RAB37: variants seen among roughly 807,000 people sequenced by gnomAD.
The protein encoded by RAB37 is RAB37, member RAS oncogene family, also known as ras-related protein Rab-37.
Under a neutral mutation model 33.1 loss-of-function variants are expected in RAB37, and 29 were observed. That is an observed-to-expected ratio of 0.88 (90% confidence interval 0.65 to 1.20). The LOEUF is 1.20. RAB37 is among the 50% of genes most tolerant of loss of function. The pLI, the probability that RAB37 is intolerant of heterozygous loss-of-function variation, is 0.00. For synonymous variants in RAB37, 128 were observed against 119.5 expected (o/e 1.07, Z -0.47); for missense variants, 299 against 301.1 (o/e 0.99, Z 0.05).
intron 2 of RAB37, among the ~76,000 whole-genome samples, chr17:74,732,072 C>T (rs1262685219): frequency 2.0e-5 from 3 of 151,858 alleles, no homozygotes; most frequent in Admixed American, 1.3e-4. Context: ...TGAACATTCA[C>T]GGTTCACTAT....
intron 1 of RAB37, among the ~76,000 whole-genome samples, chr17:74,685,043 A>G (rs2032027431): frequency 1.3e-5 from 2 of 152,200 alleles, no homozygotes; most frequent in Non-Finnish European, 2.9e-5. Flanking sequence ...AACTAGAAGA[A>G]CAAAAAGAAA....
chr17:74,698,697 G>T, intron 1 of RAB37: 1 of 1,209,002 alleles, frequency 8.3e-7, no homozygotes, highest in Non-Finnish European at 1.1e-6. Flanking sequence ...AGACACCAGG[G>T]CCTACTTGAG....
At chr17:74,714,911 C>T (rs1465047576) in intron 1 of RAB37, among the ~76,000 whole-genome samples, 1 of 152,280 alleles carries the variant, frequency 6.6e-6, no homozygotes, top group East Asian at 1.9e-4. Context: ...CACCTGAGGT[C>T]AGGAGTTCGA....
At chr17:74,704,128 T>G (rs1314198149) in intron 1 of RAB37, among the ~76,000 whole-genome samples, 3 of 151,892 alleles carry the variant, frequency 2.0e-5, no homozygotes, top group African/African-American at 4.8e-5. Context: ...GCACCAGAGG[T>G]CTCCAAAAAG....
At chr17:74,727,222 T>G (rs1227155331) in intron 1 of RAB37, among the ~76,000 whole-genome samples, 1 of 152,238 alleles carries the variant, frequency 6.6e-6, no homozygotes, top group Non-Finnish European at 1.5e-5. Context: ...GACTGGATTT[T>G]TGGGGCTCTC....
intron 1 of RAB37, among the ~76,000 whole-genome samples, chr17:74,718,884 A>G (rs1457999405): frequency 1.3e-5 from 2 of 152,232 alleles, no homozygotes; most frequent in African/African-American, 4.8e-5. Flanking sequence ...TCACTCATGT[A>G]TGAGTTTGCT....
intron 1 of RAB37, among the ~76,000 whole-genome samples, chr17:74,702,239 G>A (rs913124150): frequency 2.0e-5 from 3 of 151,992 alleles, no homozygotes; most frequent in African/African-American, 4.8e-5. Context: ...TAAAGGGGAC[G>A]TTCCTCTTCT....
At chr17:74,695,264 C>G in intron 1 of RAB37, 6 of 1,613,484 alleles carry the variant, frequency 3.7e-6, no homozygotes, top group Non-Finnish European at 5.1e-6. Context: ...GCAGCAAAGG[C>G]GGGCTCCAGG....
At chr17:74,720,158 C>T (rs1042438654) in intron 1 of RAB37, among the ~76,000 whole-genome samples, 12 of 152,156 alleles carry the variant, frequency 7.9e-5, no homozygotes, top group Non-Finnish European at 1.6e-4. Flanking sequence ...CCAGCAGGGA[C>T]GAACTTTACT....
intron 1 of RAB37, among the ~76,000 whole-genome samples, chr17:74,728,102 ATG>A (rs1356258322): frequency 2.7e-5 from 4 of 149,296 alleles, no homozygotes; most frequent in African/African-American, 7.4e-5. Context: ...GTGTGTGTGC[ATG>A]TGTGTCTGTG....
intron 1 of RAB37, chr17:74,704,816 C>T (rs958751860): frequency 6.2e-7 from 1 of 1,607,912 alleles, no homozygotes; most frequent in East Asian, 2.2e-5. Context: ...AATGGAGTAG[C>T]CTGGAAAACA....
At chr17:74,740,626 G>A in intron 1 of RAB37, 142 bp from the exon 2 acceptor site, 1 of 690,046 alleles carries the variant, frequency 1.4e-6, no homozygotes, top group South Asian at 1.6e-5. Context: ...ATGGCGGCTG[G>A]CTTTCTGGAA....
intron 1 of RAB37, among the ~76,000 whole-genome samples, chr17:74,714,423 A>ACG (rs1209145796): frequency 2.0e-5 from 3 of 151,458 alleles, no homozygotes; most frequent in African/African-American, 7.3e-5. Context: ...ACACACACAC[A>ACG]CACACACACA....
At chr17:74,732,260 C>G (rs1567811169), upstream of RAB37, among the ~76,000 whole-genome samples, 1 of 152,154 alleles carries the variant, frequency 6.6e-6, no homozygotes, top group African/African-American at 2.4e-5. Context: ...ACGTGGGGGG[C>G]CCAGAATCTG....
At position 74,738,216 on chromosome 17, in the gene RAB37, C is replaced by T. The variant is rs538982324; in HGVS notation, c.93+851C>T. On this transcript the variant is annotated intron_variant, in intron 1 of 8. Transcript: ENST00000392613. This position sits in a 1 kb window ranked among gnomAD's most constrained non-coding sequence, Gnocchi z 5.0. ...ATGGAGTGAGGGCTGTCCTGGATTC[C>T]GCTGCATGGCCTTGAAGGAGACCTG... Among the ~76,000 whole-genome samples, 7 of 152,270 alleles carry T rather than the reference C, an allele frequency of 4.6e-5. No individual in the cohort carries two copies. The highest frequency in any genetic ancestry group is 9.6e-5 in the African/African-American group (4 of 41,560).
intron 1 of RAB37, among the ~76,000 whole-genome samples, chr17:74,727,097 C>T (rs534735576): frequency 3.0e-4 from 46 of 152,352 alleles, no homozygotes; most frequent in Middle Eastern, 3.4e-3. Flanking sequence ...CAGAGGAAGG[C>T]GGCCTTCCCC....
chr17:74,739,902 A>G lies in RAB37; in HGVS notation c.94-866A>G, dbSNP rs367662037. Among the ~76,000 whole-genome samples, 19 of 152,186 alleles carry G rather than the reference A, an allele frequency of 1.2e-4. No individual in the cohort carries two copies. The South Asian group carries it at 1.7e-3, about 13-fold the overall frequency. ...TCAGGCGCGGTGGCTCACGCCCGTA[A>G]TCCCAGCACTTTGGGAGGCTGAGGC... On this transcript the variant is annotated intron_variant, in intron 1 of 8. Transcript: ENST00000392613.
intron 1 of RAB37, among the ~76,000 whole-genome samples, chr17:74,678,557 T>G (rs1425128620): frequency 6.6e-6 from 1 of 152,222 alleles, no homozygotes; most frequent in Non-Finnish European, 1.5e-5. Context: ...GAGGATGCTA[T>G]TTAATCATTT....
chr17:74,712,941 TGCTGGTACTCACTCTC>T, intron 1 of RAB37: 1 of 1,449,140 alleles, frequency 6.9e-7, no homozygotes, highest in Non-Finnish European at 9.6e-7. Context: ...CCCAGCCTTC[TGCTGGTACTCACTCTC>T]GCCCTTGAAC....
Sources: gnomAD v4.1 joint callset for allele counts (sites outside exome capture counted in the v4.1 genomes callset) on GRCh38, gnomAD v4.1.1 for gene constraint, Gnocchi (gnomAD v3.1) non-coding constraint, MANE v1.5 for transcripts, NCBI Gene and HGNC (gene_info 2026-07-23, HGNC 2026-07-21) for gene names.